Variants in NT5C3A observed in about 807,000 individuals in gnomAD.
The protein encoded by NT5C3A is cytosolic 5'-nucleotidase 3A.
In NT5C3A, 23 loss-of-function variants were observed where a neutral mutation model predicts 40.0. That is an observed-to-expected ratio of 0.58 (90% confidence interval 0.41 to 0.81). The LOEUF is 0.81. Among genes scored for constraint, NT5C3A ranks in the 40% least tolerant of loss-of-function variants. The pLI is 0.00. For missense variants in NT5C3A, 328 were observed against 403.0 expected, an observed-to-expected ratio of 0.81 and a Z score of 1.59; for synonymous variants, 130 against 141.4, an observed-to-expected ratio of 0.92 and a Z score of 0.57.
chr7:33,029,646 T>C, intron 1 of NT5C3A: 1 of 1,289,948 alleles, frequency 7.8e-7, no homozygotes, highest in Admixed American at 2.3e-5. Flanking sequence ...AAATCACAGC[T>C]TCAAGTTTTT....
intron 1 of NT5C3A, among the ~76,000 whole-genome samples, chr7:33,055,122 C>T (rs1404442987): frequency 1.3e-5 from 2 of 152,066 alleles, no homozygotes; most frequent in African/African-American, 4.8e-5. Context: ...GTCAGGAGTT[C>T]AAGACCAGCC....
Position 33,053,562 on chromosome 7 carries a change from G to C in NT5C3A, c.138+9006C>G, listed in dbSNP as rs551792097. 4.9e-3 allele frequency among the ~76,000 whole-genome samples: 344 copies of C among 69,802 alleles called. 1 individual carries two copies. The highest frequency in any genetic ancestry group is 0.021 in the African/African-American group (330 of 15,620). The allele number at this position is 69,802 out of a possible 152,430, so 45.8% of individuals were successfully genotyped here. Reference sequence around the variant, plus strand: ...TGTAATCCCAGCTACTTGGGAGGCTGAGGGGGGAAGACGGTTTGAGCCCAG... The same window carrying C: ...TGTAATCCCAGCTACTTGGGAGGCTCAGGGGGGAAGACGGTTTGAGCCCAG... On this transcript the variant is annotated intron_variant, in intron 1 of 8. Transcript: ENST00000610140.
intron 1 of NT5C3A, 70 bp from the exon 2 acceptor site, chr7:33,026,985 G>T: frequency 2.0e-6 from 2 of 976,536 alleles, no homozygotes; most frequent in East Asian, 2.5e-5. Context: ...ATACCAAGCA[G>T]AAACCTGTCT....
At chr7:33,021,249 C>T in intron 5 of NT5C3A, 23 bp downstream of exon 5, 1 of 1,609,908 alleles carries the variant, frequency 6.2e-7, no homozygotes. Flanking sequence ...TTTTAATCCT[C>T]CTACTGCCTA....
At chr7:33,020,694 A>C (rs16879126) in intron 5 of NT5C3A, among the ~76,000 whole-genome samples, 8,114 of 152,182 alleles carry the variant, frequency 0.053, 264 homozygotes, top group East Asian at 0.16. Flanking sequence ...ATTCCTTGAA[A>C]TGTTCGTCAA....
chr7:33,048,221 T>C (rs1787232526), intron 1 of NT5C3A, among the ~76,000 whole-genome samples: 1 of 151,876 alleles, frequency 6.6e-6, no homozygotes, highest in Admixed American at 6.6e-5. Flanking sequence ...TGTATTTGAT[T>C]TTTAGTAGAG....
chr7:33,053,281 G>A (rs771105250), intron 1 of NT5C3A, among the ~76,000 whole-genome samples: 15 of 152,100 alleles, frequency 9.9e-5, no homozygotes, highest in Non-Finnish European at 7.4e-5. Context: ...TCTGCCTCCC[G>A]GGTTCAAGTA....
chr7:33,045,516 G>A (rs1425539622), intron 1 of NT5C3A, among the ~76,000 whole-genome samples: 1 of 151,468 alleles, frequency 6.6e-6, no homozygotes, highest in African/African-American at 2.4e-5. Context: ...CTGGAGTGCA[G>A]TGGCACGATC....
intron 1 of NT5C3A, among the ~76,000 whole-genome samples, chr7:33,037,464 A>G (rs1259108187): frequency 6.6e-6 from 1 of 152,236 alleles, no homozygotes; most frequent in African/African-American, 2.4e-5. Flanking sequence ...AAGCGAGAAC[A>G]TATCTGACTT....
intron 3 of NT5C3A, 23 bp from the exon 4 acceptor site, chr7:33,022,122 G>C (rs1199818722): frequency 7.6e-7 from 1 of 1,312,794 alleles, no homozygotes; most frequent in Non-Finnish European, 1.1e-6. Flanking sequence ...AGCAAAATAA[G>C]CATTAAAAGA....
chr7:33,024,806 C>T (rs922305082), intron 2 of NT5C3A, among the ~76,000 whole-genome samples: 6 of 151,930 alleles, frequency 3.9e-5, no homozygotes, highest in African/African-American at 9.7e-5. Flanking sequence ...TCACATGTAC[C>T]GCATATATAT....
intron 1 of NT5C3A, among the ~76,000 whole-genome samples, chr7:33,055,893 T>A (rs1461834983): frequency 3.3e-5 from 5 of 152,160 alleles, no homozygotes; most frequent in Admixed American, 2.0e-4. Context: ...GGAAGATTGC[T>A]TGAGCCCAGG....
At chr7:33,031,661 T>C (rs1786265850) in intron 1 of NT5C3A, among the ~76,000 whole-genome samples, 1 of 151,994 alleles carries the variant, frequency 6.6e-6, no homozygotes, top group South Asian at 2.1e-4. Context: ...AAATAATGAA[T>C]TATTATTCTT....
chr7:33,021,354 A>G lies in NT5C3A; in HGVS notation c.358T>C (p.Leu120=), dbSNP rs764623573. Reference sequence around the variant, plus strand: ...GCGTAATATTTTTCCTTTAGTTGCAATAACTAGGAAGATATGAATAACTTA... The same window carrying G: ...GCGTAATATTTTTCCTTTAGTTGCAGTAACTAGGAAGATATGAATAACTTA... ...LVTDECRKKL[L]QLKEKYYAIE... The change falls in exon 5 of 9, where the codon TTG becomes CTG. Residue 120 remains leucine (L), a synonymous_variant. Transcript: ENST00000610140. The G allele has an allele frequency of 8.7e-6, 14 of 1,610,378 alleles. No homozygotes were observed. The highest frequency in any genetic ancestry group is 2.2e-5 in the East Asian group (1 of 44,680).
At chr7:33,015,166 G>C (rs923740519) in intron 8 of NT5C3A, among the ~76,000 whole-genome samples, 6 of 152,110 alleles carry the variant, frequency 3.9e-5, no homozygotes, top group Middle Eastern at 3.2e-3. Context: ...AGAAGACACA[G>C]AGGCCTCCTA....
At chr7:33,059,781 C>T (rs757868619) in intron 1 of NT5C3A, among the ~76,000 whole-genome samples, 8 of 152,178 alleles carry the variant, frequency 5.3e-5, no homozygotes, top group Non-Finnish European at 1.2e-4. Flanking sequence ...GATTTTATCT[C>T]GGAAATGTTT....
chr7:33,029,012 T>C (rs1445025559), intron 1 of NT5C3A, among the ~76,000 whole-genome samples: 1 of 150,414 alleles, frequency 6.6e-6, no homozygotes, highest in Non-Finnish European at 1.5e-5. Context: ...AAAGAAAGTG[T>C]AGAGAAAAGA....
chr7:33,045,180 T>C (rs1383486670), intron 1 of NT5C3A, among the ~76,000 whole-genome samples: 1 of 152,254 alleles, frequency 6.6e-6, no homozygotes, highest in African/African-American at 2.4e-5. Flanking sequence ...CAATAGTCTC[T>C]ATACTGACTC....
At chr7:33,031,101 A>C (rs1271941371) in intron 1 of NT5C3A, among the ~76,000 whole-genome samples, 1 of 81,840 alleles carries the variant, frequency 1.2e-5, no homozygotes, top group Middle Eastern at 4.8e-3. Flanking sequence ...CTGCCTCAAA[A>C]AAAAACAAAA....
Sources: gnomAD v4.1 joint callset for allele counts (sites outside exome capture counted in the v4.1 genomes callset) on GRCh38, gnomAD v4.1.1 for gene constraint, MANE v1.5 for transcripts, NCBI Gene and HGNC (gene_info 2026-07-23, HGNC 2026-07-21) for gene names.